Variants in NPHP4 observed in about 807,000 individuals in gnomAD.
NPHP4 encodes the protein nephrocystin 4, also known as nephrocystin-4.
In NPHP4, 151 loss-of-function variants were observed where a neutral mutation model predicts 155.8. That is an observed-to-expected ratio of 0.97 (90% CI 0.85 to 1.11). The LOEUF (loss-of-function observed/expected upper bound fraction) is 1.11, where lower values mean the gene tolerates loss of function less well. Among genes scored for constraint, NPHP4 ranks in the 50% least tolerant of loss-of-function variants. The pLI, the probability that NPHP4 is intolerant of heterozygous loss-of-function variation, is 0.00. For missense variants in NPHP4, 1,956 were observed against 1,925.7 expected (o/e 1.02, Z -0.29); for synonymous variants, 845 against 816.8 (o/e 1.03, Z -0.59).
rs912722426 is a variant in NPHP4, at chr1:5,952,785, T to C, written c.725A>G (p.Asp242Gly). 3.1e-6 allele frequency: 5 copies of C among 1,591,706 alleles called. No homozygotes were observed. The African/African-American group carries it at 5.4e-5, about 17-fold the overall frequency. ...GGGGTACAGGGTGAAGAATAAGTCA[T>C]CCAAGTGCCCCGTGATGGGCTTCTG... ...RLQKPITGHL[D>G]DLFFTLYPSL... The change falls in exon 7 of 30, where the codon GAT (aspartate) becomes GGT (glycine). Residue 242 changes from aspartate to glycine, a missense_variant. Asp to Gly is a moderately conservative substitution (Grantham distance 94). Coordinates refer to ENST00000378156, the MANE Select transcript of NPHP4 (RefSeq NM_015102.5).
In NPHP4 at chr1:5,905,657, TA is replaced by T; in HGVS notation, c.1737del (p.Ile580LeufsTer47). 6.2e-7 allele frequency: 1 copy of T among 1,613,808 alleles called. No homozygotes were observed. Among genetic ancestry groups the T allele is most frequent in the Non-Finnish European group, 8.5e-7 (1 of 1,179,844 alleles). ...QELPFTPLHA[P>X]IVVGTQTRSS... is the part of the protein sequence containing the mutation. The stretch of plus-strand genomic sequence containing the variant: ...CTCCTGGTCTGGGTTCCCACAACAA[TA>T]GGGGCATGCAAAGGCGTGAACGGCA... On this transcript the variant is annotated frameshift_variant, in exon 14 of 30. Coordinates refer to ENST00000378156, the MANE Select transcript of NPHP4 (RefSeq NM_015102.5). LOFTEE classifies it high-confidence loss of function. This position sits in a 1 kb window ranked among gnomAD's most constrained non-coding sequence, Gnocchi z 4.0.
intron 2 of NPHP4, among the ~76,000 whole-genome samples, chr1:5,982,057 G>A (rs114739999): frequency 0.011 from 1,736 of 151,298 alleles, 37 homozygotes; most frequent in African/African-American, 0.04. Flanking sequence ...CCTCTGTAGC[G>A]TACGTTATCA....
intron 3 of NPHP4, among the ~76,000 whole-genome samples, chr1:5,975,169 G>T (rs532321657): frequency 2.0e-5 from 3 of 152,098 alleles, no homozygotes; most frequent in Non-Finnish European, 4.4e-5. Flanking sequence ...TCCACACTTG[G>T]GAGCACATAC....
intron 18 of NPHP4, 44 bp from the exon 19 acceptor site, chr1:5,880,283 G>A (rs1557637508): frequency 6.2e-7 from 1 of 1,604,350 alleles, no homozygotes; most frequent in South Asian, 1.1e-5. Flanking sequence ...CCCCAAATGA[G>A]AATCTGATGA....
At chr1:5,950,511 C>T (rs1257349357) in intron 7 of NPHP4, among the ~76,000 whole-genome samples, 1 of 152,242 alleles carries the variant, frequency 6.6e-6, no homozygotes, top group Non-Finnish European at 1.5e-5. Flanking sequence ...GTCCTGTAAC[C>T]TGGAGTCCCC....
At chr1:5,904,510 CAT>C in intron 16 of NPHP4, 105 bp downstream of exon 16, 1 of 824,518 alleles carries the variant, frequency 1.2e-6, no homozygotes, top group Non-Finnish European at 1.8e-6. Flanking sequence ...TCTAATGTTG[CAT>C]ATGTTTTAAA....
rs1260598174 is a variant in NPHP4 at position 5,969,080 on chromosome 1, C to A, written c.452+7G>T. On this transcript the variant is annotated splice_region_variant and intron_variant, in intron 4 of 29. Coordinates refer to ENST00000378156, the MANE Select transcript of NPHP4 (RefSeq NM_015102.5). ...AAACCCCAGGGTTGTAGAAACAAGGCAGGTACCTTTTGTCCTGGGAAGCAG... is the reference window on the plus strand; with the variant it reads ...AAACCCCAGGGTTGTAGAAACAAGGAAGGTACCTTTTGTCCTGGGAAGCAG... The A allele has an allele frequency of 9.1e-6, 14 of 1,540,320 alleles. No individual in the cohort carries two copies. The highest frequency in any genetic ancestry group is 1.2e-5 in the Non-Finnish European group (14 of 1,138,110).
chr1:5,949,343 T>TACACATACACACACAC (rs1553187014), intron 7 of NPHP4, among the ~76,000 whole-genome samples: 1 of 140,788 alleles, frequency 7.1e-6, no homozygotes, highest in Non-Finnish European at 1.5e-5. Context: ...TTCACATACA[T>TACACATACACACACAC]ACACACACAC....
At chr1:5,945,909 C>CT (rs926604362) in intron 9 of NPHP4, among the ~76,000 whole-genome samples, 9 of 152,020 alleles carry the variant, frequency 5.9e-5, no homozygotes, top group African/African-American at 2.2e-4. Context: ...ATTGTCCCCC[C>CT]CCAGGGCGTG....
intron 2 of NPHP4, among the ~76,000 whole-genome samples, chr1:5,982,515 T>C (rs1654871094): frequency 6.6e-6 from 1 of 152,266 alleles, no homozygotes; most frequent in Admixed American, 6.5e-5. Flanking sequence ...GTCGGCACTG[T>C]CAAGGAACCA....
chr1:5,975,431 T>G (rs1349025454), intron 3 of NPHP4, among the ~76,000 whole-genome samples: 2 of 152,194 alleles, frequency 1.3e-5, no homozygotes, highest in Non-Finnish European at 2.9e-5. Context: ...AGCATCACCC[T>G]CACAGCTGAA....
At chr1:5,920,268 C>T (rs146515847) in intron 11 of NPHP4, among the ~76,000 whole-genome samples, 1 of 152,002 alleles carries the variant, frequency 6.6e-6, no homozygotes, top group African/African-American at 2.4e-5. Flanking sequence ...GCTATGTTAC[C>T]CAGGCTGATC....
intron 11 of NPHP4, among the ~76,000 whole-genome samples, chr1:5,917,532 A>T (rs1267736348): frequency 6.6e-6 from 1 of 152,164 alleles, no homozygotes; most frequent in African/African-American, 2.4e-5. Context: ...CTGACACATG[A>T]GCCAATACAT....
chr1:5,916,437 A>G (rs912785259), intron 11 of NPHP4, among the ~76,000 whole-genome samples: 1 of 152,214 alleles, frequency 6.6e-6, no homozygotes, highest in Non-Finnish European at 1.5e-5. Context: ...ATGTCTTCCA[A>G]TGCTTGGAAC....
intron 10 of NPHP4, among the ~76,000 whole-genome samples, chr1:5,932,468 C>T (rs921252551): frequency 2.6e-5 from 4 of 152,122 alleles, no homozygotes; most frequent in Non-Finnish European, 4.4e-5. Context: ...GAGAGCCCAA[C>T]GGACTCTAGC....
At chr1:5,972,843 C>T (rs1249691395) in intron 3 of NPHP4, among the ~76,000 whole-genome samples, 2 of 151,966 alleles carry the variant, frequency 1.3e-5, no homozygotes, top group Non-Finnish European at 2.9e-5. Context: ...ACCCATCACC[C>T]GAGCAGTATC....
chr1:5,906,716 G>A (rs1050347552), intron 13 of NPHP4, among the ~76,000 whole-genome samples: 4 of 152,202 alleles, frequency 2.6e-5, no homozygotes, highest in African/African-American at 7.2e-5. Context: ...CCAGGATGGC[G>A]GGCTCCACTC....
chr1:5,942,908 T>C (rs902168319), intron 9 of NPHP4, among the ~76,000 whole-genome samples: 2 of 152,208 alleles, frequency 1.3e-5, no homozygotes, highest in African/African-American at 2.4e-5. Flanking sequence ...TATTCAGACA[T>C]GAAACGCAGC....
At chr1:5,970,201 T>C (rs1652311635) in intron 3 of NPHP4, among the ~76,000 whole-genome samples, 1 of 152,098 alleles carries the variant, frequency 6.6e-6, no homozygotes, top group Non-Finnish European at 1.5e-5. Context: ...ATGCAGTTGT[T>C]TTTATTTAAA....
Sources: gnomAD v4.1 joint callset for allele counts (sites outside exome capture counted in the v4.1 genomes callset) on GRCh38, gnomAD v4.1.1 for gene constraint, Gnocchi (gnomAD v3.1) non-coding constraint, MANE v1.5 for transcripts, NCBI Gene and HGNC (gene_info 2026-07-23, HGNC 2026-07-21) for gene names.